MVB12A: variants seen among roughly 807,000 people sequenced by gnomAD.
MVB12A encodes the protein multivesicular body subunit 12A.
A neutral mutation model predicts 34.3 loss-of-function variants in MVB12A; 30 were observed. That is an observed-to-expected ratio of 0.88 (90% CI 0.65 to 1.19). The LOEUF (loss-of-function observed/expected upper bound fraction) is 1.19, where lower values mean the gene tolerates loss of function less well. Among genes scored for constraint, MVB12A ranks in the 50% most tolerant of loss-of-function variants. MVB12A has a pLI of 0.00. For missense variants in MVB12A, 355 were observed against 369.2 expected (o/e 0.96, Z 0.31); for synonymous variants, 158 against 158.9 (o/e 0.99, Z 0.04).
At chr19:17,411,600 C>T (rs1341760747) in intron 2 of MVB12A, among the ~76,000 whole-genome samples, 4 of 152,018 alleles carry the variant, frequency 2.6e-5, no homozygotes, top group African/African-American at 9.7e-5. Flanking sequence ...TCAAGCGATC[C>T]TCCTGCCTCA....
intron 2 of MVB12A, among the ~76,000 whole-genome samples, chr19:17,407,788 T>C (rs1341247848): frequency 1.3e-5 from 2 of 151,812 alleles, no homozygotes; most frequent in Non-Finnish European, 2.9e-5. Context: ...AGGAGCAGAG[T>C]CTTCTCCAAA....
chr19:17,416,902 T>A, upstream of MVB12A: 1 of 172,926 alleles, frequency 5.8e-6, no homozygotes, highest in South Asian at 1.2e-4. Context: ...GGTTTCACCA[T>A]GTTGGCCAGG....
At chr19:17,416,857 C>T (rs993584633), upstream of MVB12A, among the ~76,000 whole-genome samples, 4 of 151,684 alleles carry the variant, frequency 2.6e-5, no homozygotes, top group African/African-American at 2.4e-5. Context: ...GCACCACCAC[C>T]CCCTGCTAAT....
chr19:17,417,213 C>CTT (rs35583565), upstream of MVB12A: 19,812 of 95,862 alleles, frequency 0.21, 6,145 homozygotes, highest in Non-Finnish European at 0.28. Context: ...TCACCCAGAG[C>CTT]TTTTTTTTTT....
rs1568393161 is a variant in MVB12A at position 17,425,065 on chromosome 19, GCATCCTGGGGCCACCCCCA to G, written c.*74_*92del. Reference sequence around the variant, plus strand: ...CAGCCTGGGGCCACCCCCCCTCACTGCATCCTGGGGCCACCCCCACTCACTGCATCCTGGGAACCTTCGC... The same window carrying G: ...CAGCCTGGGGCCACCCCCCCTCACTGCTCACTGCATCCTGGGAACCTTCGC... On this transcript the variant is annotated 3_prime_UTR_variant, in exon 9 of 9. Transcript: ENST00000317040. 3.3e-5 allele frequency: 17 copies of G among 515,984 alleles called. No homozygotes were observed. The highest frequency in any genetic ancestry group is 1.7e-4 in the African/African-American group (5 of 29,340). The allele number at this position is 515,984 out of a possible 1,614,324, so 32.0% of individuals were successfully genotyped here.
At chr19:17,410,529 T>TATATATATATATACACACACACAC in intron 2 of MVB12A, among the ~76,000 whole-genome samples, 14 of 74,434 alleles carry the variant, frequency 1.9e-4, no homozygotes, top group African/African-American at 6.6e-4. Context: ...TATATATATA[T>TATATATATATATACACACACACAC]ACACACACAC....
intron 3 of MVB12A, among the ~76,000 whole-genome samples, chr19:17,421,712 C>A (rs111419011): frequency 0.058 from 8,772 of 151,808 alleles, 678 homozygotes; most frequent in African/African-American, 0.18. Context: ...GAGCCTGAGG[C>A]GGGCAGATCA....
At chr19:17,417,031 T>C, upstream of MVB12A, 1 of 381,444 alleles carries the variant, frequency 2.6e-6, no homozygotes, top group South Asian at 2.0e-5. Flanking sequence ...CTCCTCTTCT[T>C]TCTTCATCTT....
Position 17,420,153 on chromosome 19 carries a change from G to C in MVB12A, c.18G>C (p.Gly6=). The C allele has an allele frequency of 6.5e-6, 9 of 1,386,226 alleles. No individual in the cohort carries two copies. The highest frequency in any genetic ancestry group is 7.4e-6 in the Non-Finnish European group (8 of 1,076,036). The allele number at this position is 1,386,226 out of a possible 1,614,324, so 85.9% of individuals were successfully genotyped here. A position where few individuals can be genotyped will look rare whatever the true frequency, so the allele number is the denominator to read the frequency against. MDPVP[G]TDSAPLAGLA... ...CTCGCAGGATGGATCCCGTACCCGG[G>C]ACAGACTCGGCGCCGCTGGCTGGCC... The change falls in exon 1 of 9, where the codon GGG becomes GGC. Residue 6 remains glycine (G), a synonymous_variant. Transcript: ENST00000317040.
intron 2 of MVB12A, chr19:17,413,222 C>G (rs978327588): frequency 6.6e-6 from 1 of 152,102 alleles, no homozygotes; most frequent in Non-Finnish European, 1.5e-5. Context: ...TTGGTACAGA[C>G]GCGGTGGTAC....
Position 17,420,648 on chromosome 19 carries a change from CG to C in MVB12A, c.286+16del. ...CCATGGATTCCAGTAAGGGCTGCTT[CG>C]GAGGCGAGAGTTGTCCGGGTCCCTT... On this transcript the variant is annotated intron_variant, in intron 3 of 8. Transcript: ENST00000317040. The C allele has an allele frequency of 7.0e-6, 11 of 1,577,656 alleles. No individual in the cohort carries two copies. The highest frequency in any genetic ancestry group is 9.6e-6 in the Non-Finnish European group (11 of 1,147,218).
chr19:17,407,493 G>A (rs1007228969), intron 2 of MVB12A, among the ~76,000 whole-genome samples: 2 of 152,172 alleles, frequency 1.3e-5, no homozygotes, highest in South Asian at 2.1e-4. Context: ...CGTGGGTCAC[G>A]TGTCCACTGG....
chr19:17,425,130 T>C lies in MVB12A; in HGVS notation c.*137T>C. The C allele has an allele frequency of 6.5e-6, 4 of 617,164 alleles. No individual in the cohort carries two copies. The highest frequency in any genetic ancestry group is 1.2e-5 in the Non-Finnish European group (4 of 347,596). The allele number at this position is 617,164 out of a possible 1,614,324, so 38.2% of individuals were successfully genotyped here. A position where few individuals can be genotyped will look rare whatever the true frequency, so the allele number is the denominator to read the frequency against. On this transcript the variant is annotated 3_prime_UTR_variant, in exon 9 of 9. Coordinates refer to ENST00000317040, the MANE Select transcript of MVB12A (RefSeq NM_138401.4). ...TTCGCCCTGCAAGGCGTTTGCTATCTTCAGCCACTGGGCGGAGCTGCAGCC... is the reference window on the plus strand; with the variant it reads ...TTCGCCCTGCAAGGCGTTTGCTATCCTCAGCCACTGGGCGGAGCTGCAGCC...
chr19:17,420,836 C>T (rs555425114), intron 3 of MVB12A: 25 of 649,962 alleles, frequency 3.8e-5, no homozygotes, highest in Middle Eastern at 6.1e-4. Flanking sequence ...ATATGATTGG[C>T]ACAGCCTGCA....
intron 2 of MVB12A, among the ~76,000 whole-genome samples, chr19:17,410,527 T>TACACACACACACACACACACAC (rs1375212841): frequency 1.3e-5 from 1 of 78,070 alleles, no homozygotes; most frequent in African/African-American, 6.5e-5. Flanking sequence ...TATATATATA[T>TACACACACACACACACACACAC]ATACACACAC....
chr19:17,423,756 G>T lies in MVB12A; in HGVS notation c.597G>T (p.Arg199Ser), dbSNP rs1415011408. Residue 199 changes from arginine to serine, a missense_variant, in exon 6 of 9, where the codon AGG becomes AGT. Coordinates refer to ENST00000317040, the MANE Select transcript of MVB12A (RefSeq NM_138401.4). ...RLGSRASTLRRNDSIYEASSL... is the reference protein window; with the variant it reads ...RLGSRASTLRSNDSIYEASSL... ...GCTCTCGGGCATCCACTCTGCGGAG[G>T]AATGACTCCATCTACGAGGCCTCCA... 6.2e-7 allele frequency: 1 copy of T among 1,614,012 alleles called. No individual in the cohort carries two copies. The highest frequency in any genetic ancestry group is 2.2e-5 in the East Asian group (1 of 44,886).
intron 2 of MVB12A, among the ~76,000 whole-genome samples, chr19:17,406,808 T>G (rs2074731892): frequency 2.6e-5 from 4 of 152,120 alleles, no homozygotes; most frequent in Admixed American, 2.6e-4. Flanking sequence ...GGATCCCATC[T>G]CTTAAACCAA....
intron 2 of MVB12A, among the ~76,000 whole-genome samples, chr19:17,410,529 TACAC>T (rs1185077317): frequency 9.4e-5 from 7 of 74,406 alleles, no homozygotes; most frequent in East Asian, 7.5e-4. Context: ...TATATATATA[TACAC>T]ACACACATAT....
intron 3 of MVB12A, 31 bp from the exon 4 acceptor site, chr19:17,422,301 C>G: frequency 6.3e-7 from 1 of 1,594,820 alleles, no homozygotes. Context: ...GCCTGGCTTC[C>G]CTCTCTCACT....
Sources: allele counts gnomAD v4.1 joint callset (sites outside exome capture counted in the v4.1 genomes callset), GRCh38; gene constraint gnomAD v4.1.1; transcripts MANE v1.5; gene names NCBI Gene and HGNC (gene_info 2026-07-23, HGNC 2026-07-21).